Variants in TECTB observed in about 807,000 individuals in gnomAD.
The protein encoded by TECTB is tectorin beta.
Under a neutral mutation model 43.3 loss-of-function variants are expected in TECTB, and 45 were observed. That is an observed-to-expected ratio of 1.04 (90% CI 0.82 to 1.33). The LOEUF is 1.33. Among genes scored for constraint, TECTB ranks in the 40% most tolerant of loss-of-function variants. TECTB has a pLI of 0.00. For synonymous variants in TECTB, 169 were observed against 156.7 expected (o/e 1.08, Z -0.59); for missense variants, 399 against 404.7 (o/e 0.99, Z 0.12).
chr10:112,283,669 G>A lies in TECTB; in HGVS notation c.-66G>A. On this transcript the variant is annotated 5_prime_UTR_variant, in exon 2 of 11. Transcript: ENST00000646139. ...TTAGAATGATCGAGGCTCAGGCCCT[G>A]GAAGGACCGTAAACATTTGGCCAGC... 2 of 1,501,804 alleles carry A rather than the reference G, an allele frequency of 1.3e-6. No individual in the cohort carries two copies. Among genetic ancestry groups the A allele is most frequent in the Non-Finnish European group, 1.8e-6 (2 of 1,083,470 alleles). 93.0% of individuals were successfully genotyped at this position (1,501,804 alleles called of 1,614,324 possible).
At position 112,283,691 on chromosome 10, in the gene TECTB, C is replaced by T. The variant is rs1454700947; in HGVS notation, c.-44C>T. ...CCTGGAAGGACCGTAAACATTTGGC[C>T]AGCTTGGTTTGGATACCTGGCAGAG... On this transcript the variant is annotated 5_prime_UTR_variant, in exon 2 of 11. Transcript: ENST00000646139. 8 of 1,600,076 alleles carry T rather than the reference C, an allele frequency of 5.0e-6. No individual in the cohort carries two copies. The African/African-American group carries it at 8.0e-5, about 16-fold the overall frequency.
At chr10:112,300,290 AG>A (rs1212722376) in intron 9 of TECTB, among the ~76,000 whole-genome samples, 1 of 114,566 alleles carries the variant, frequency 8.7e-6, no homozygotes, top group South Asian at 3.2e-4. Flanking sequence ...AAAGAAAGAA[AG>A]AAAGAAAGAA....
At chr10:112,301,822 T>A (rs576370307) in intron 9 of TECTB, among the ~76,000 whole-genome samples, 2 of 152,132 alleles carry the variant, frequency 1.3e-5, no homozygotes, top group Admixed American at 6.5e-5. Context: ...GCAATTCTCC[T>A]GACTCAGCCT....
At chr10:112,295,053 CT>C (rs1477826248) in intron 7 of TECTB, among the ~76,000 whole-genome samples, 1 of 152,066 alleles carries the variant, frequency 6.6e-6, no homozygotes, top group Non-Finnish European at 1.5e-5. Context: ...TCCAGAAGTA[CT>C]TAGAATTGTA....
At chr10:112,286,674 C>A (rs1848457248) in intron 5 of TECTB, among the ~76,000 whole-genome samples, 1 of 152,192 alleles carries the variant, frequency 6.6e-6, no homozygotes, top group Admixed American at 6.5e-5. Flanking sequence ...AATCCCAGCA[C>A]TTTGGGAGAC....
At chr10:112,283,944 C>T in intron 2 of TECTB, 134 bp downstream of exon 2, 1 of 905,832 alleles carries the variant, frequency 1.1e-6, no homozygotes, top group Non-Finnish European at 1.6e-6. Flanking sequence ...ACTTAAGCAC[C>T]CCCTCCAATA....
At chr10:112,294,945 G>A (rs2133353584) in intron 7 of TECTB, among the ~76,000 whole-genome samples, 1 of 152,318 alleles carries the variant, frequency 6.6e-6, no homozygotes, top group Middle Eastern at 3.4e-3. Flanking sequence ...GAGGAAGAGT[G>A]TCTGGATTTG....
At chr10:112,298,570 G>A (rs1393235374) in intron 8 of TECTB, among the ~76,000 whole-genome samples, 2 of 152,192 alleles carry the variant, frequency 1.3e-5, no homozygotes, top group Non-Finnish European at 2.9e-5. Context: ...GGAAATACTT[G>A]GAAGAAGTGA....
At chr10:112,298,790 T>TCATGCC (rs1167460848) in intron 8 of TECTB, among the ~76,000 whole-genome samples, 1 of 152,214 alleles carries the variant, frequency 6.6e-6, no homozygotes, top group Non-Finnish European at 1.5e-5. Flanking sequence ...AAGCCAGCAG[T>TCATGCC]CATGCCGGTG....
intron 5 of TECTB, among the ~76,000 whole-genome samples, chr10:112,290,998 G>A (rs1211657059): frequency 6.6e-6 from 1 of 152,122 alleles, no homozygotes; most frequent in Non-Finnish European, 1.5e-5. Flanking sequence ...ATCTTTATTT[G>A]TTATTTTTAT....
Position 112,293,667 on chromosome 10 carries a change from C to T in TECTB, c.484-71C>T, listed in dbSNP as rs924177412. On this transcript the variant is annotated intron_variant, in intron 5 of 10. Transcript: ENST00000646139. ...TTCTCATCCCCACCCCATCCCAATT[C>T]ATCTGCTCCTGGTAGACCTAGCTGC... The T allele has an allele frequency of 1.0e-5, 14 of 1,387,674 alleles. No individual in the cohort carries two copies. In the South Asian group the frequency reaches 1.1e-4, roughly 10 times the overall value. The allele number at this position is 1,387,674 out of a possible 1,614,324, so 86.0% of individuals were successfully genotyped here.
rs373536808 is a variant in TECTB at position 112,300,018 on chromosome 10, T to C, written c.907+454T>C. On this transcript the variant is annotated intron_variant, in intron 9 of 10. Coordinates refer to ENST00000646139, the MANE Select transcript of TECTB (RefSeq NM_058222.3). ...CCTCTACTAAAAATACAAAATTACC[T>C]GGGCTTGGTGGGGCACGCCTGTAAT... 1.2e-3 allele frequency among the ~76,000 whole-genome samples: 175 copies of C among 151,160 alleles called. 6 individuals are homozygous for C. The South Asian group carries it at 0.036, about 31-fold the overall frequency.
intron 7 of TECTB, 116 bp from the exon 8 acceptor site, chr10:112,297,953 C>G: frequency 7.2e-7 from 1 of 1,384,924 alleles, no homozygotes; most frequent in East Asian, 2.3e-5. Flanking sequence ...ATCAAAATGC[C>G]TGGGAAGGTT....
At chr10:112,303,189 A>C (rs112654125) in intron 10 of TECTB, 74 bp from the exon 11 acceptor site, 8 of 1,563,448 alleles carry the variant, frequency 5.1e-6, no homozygotes, top group Non-Finnish European at 7.0e-6. Flanking sequence ...CCCTGAGTTA[A>C]CTCTTCTGTT....
chr10:112,296,303 T>C (rs572214801), intron 7 of TECTB, among the ~76,000 whole-genome samples: 4 of 152,282 alleles, frequency 2.6e-5, no homozygotes, highest in East Asian at 1.9e-4. Flanking sequence ...AGGAGGCTCA[T>C]GCAGAGAGGG....
intron 5 of TECTB, among the ~76,000 whole-genome samples, chr10:112,292,435 G>GT (rs758572772): frequency 3.3e-5 from 5 of 151,800 alleles, no homozygotes; most frequent in African/African-American, 9.7e-5. Context: ...AGTTTTTGAG[G>GT]TTTTTTGTTT....
In TECTB at chr10:112,303,359, C is replaced by T. The variant is rs546264138; in HGVS notation, c.*47C>T. ...CTCCTCCACCCACAATAGTCCTCAG[C>T]GAATGACAAACACATTTATTGTGCT... On this transcript the variant is annotated 3_prime_UTR_variant, in exon 11 of 11. Transcript: ENST00000646139. 1.4e-5 allele frequency: 23 copies of T among 1,607,014 alleles called. No individual in the cohort carries two copies. The highest frequency in any genetic ancestry group is 1.2e-4 in the Admixed American group (7 of 59,986).
At chr10:112,292,145 A>C (rs1260448178) in intron 5 of TECTB, among the ~76,000 whole-genome samples, 1 of 151,942 alleles carries the variant, frequency 6.6e-6, no homozygotes, top group Non-Finnish European at 1.5e-5. Context: ...CAAAAAAAAA[A>C]AAAAAGAAAG....
chr10:112,293,413 T>A (rs1422379804), intron 5 of TECTB, among the ~76,000 whole-genome samples: 3 of 152,224 alleles, frequency 2.0e-5, no homozygotes, highest in African/African-American at 2.4e-5. Flanking sequence ...GGCGATTCAG[T>A]ATAACACAGT....
Sources: gnomAD v4.1 joint callset for allele counts (sites outside exome capture counted in the v4.1 genomes callset) on GRCh38, gnomAD v4.1.1 for gene constraint, MANE v1.5 for transcripts, NCBI Gene and HGNC (gene_info 2026-07-23, HGNC 2026-07-21) for gene names.